The following SREK1IP1 variants were observed in gnomAD, a reference collection of about 807,000 sequenced individuals.
SREK1IP1 encodes the protein SREK1 interacting protein 1, also known as protein SREK1IP1.
SREK1IP1 carries 12 observed loss-of-function variants against 22.8 expected under a neutral mutation model. That is an observed-to-expected ratio of 0.53 (90% confidence interval 0.34 to 0.85). The LOEUF (loss-of-function observed/expected upper bound fraction) is 0.85, where lower values mean the gene tolerates loss of function less well. Among genes scored for constraint, SREK1IP1 ranks in the 40% least tolerant of loss-of-function variants. SREK1IP1 has a pLI of 0.02. For synonymous variants in SREK1IP1, 53 were observed against 52.7 expected (o/e 1.01, Z -0.02); for missense variants, 147 against 171.8 (o/e 0.86, Z 0.81).
At chr5:64,737,539 A>C (rs1476241079) in intron 3 of SREK1IP1, among the ~76,000 whole-genome samples, 3 of 150,100 alleles carry the variant, frequency 2.0e-5, no homozygotes, top group Non-Finnish European at 4.4e-5. Flanking sequence ...GAAGGATCTC[A>C]AAAAAACACA....
rs1742096393 is a variant in SREK1IP1 at position 64,718,583 on chromosome 5, A to G, written c.*5801T>C. The G allele has an allele frequency of 6.6e-6, 1 of 152,232 alleles. No individual in the cohort carries two copies. 9.4% of individuals were successfully genotyped at this position (152,232 alleles called of 1,614,324 possible). On this transcript the variant is annotated 3_prime_UTR_variant, in exon 5 of 5. Coordinates refer to ENST00000513458, the MANE Select transcript of SREK1IP1 (RefSeq NM_173829.4). ...TTTGTTTCAAGAGATAAGCATAACA[A>G]AAAATCCTTTGCTGATATATTTCCT...
At chr5:64,734,648 T>C (rs773487769) in intron 3 of SREK1IP1, among the ~76,000 whole-genome samples, 2 of 152,016 alleles carry the variant, frequency 1.3e-5, no homozygotes, top group Non-Finnish European at 1.5e-5. Flanking sequence ...GTCAGATTTA[T>C]ATTCTTAGTA....
intron 1 of SREK1IP1, among the ~76,000 whole-genome samples, chr5:64,762,091 A>C (rs2112116639): frequency 6.6e-6 from 1 of 152,342 alleles, no homozygotes; most frequent in South Asian, 2.1e-4. Context: ...ATCTTTCCAA[A>C]GGCAACAACT....
rs1742097861 is a variant in SREK1IP1 at position 64,718,685 on chromosome 5, T to G, written c.*5699A>C. ...CTAATGCTATCACATTAATACCACC[T>G]AGAAATCTAGAAATAAAACTAATTT... On this transcript the variant is annotated 3_prime_UTR_variant, in exon 5 of 5. Transcript: ENST00000513458. 6.6e-6 allele frequency: 1 copy of G among 152,194 alleles called. No individual in the cohort carries two copies. Among genetic ancestry groups the G allele is most frequent in the Non-Finnish European group, 1.5e-5 (1 of 68,020 alleles). The allele number at this position is 152,194 out of a possible 1,614,324, so 9.4% of individuals were successfully genotyped here.
In SREK1IP1 at chr5:64,757,700, G is replaced by A. The variant is rs1030226; in HGVS notation, c.14-3338C>T. ...CATGGATTTCTTATTGCCCTTTTAC[G>A]GTCACTTCACAACTCACAAACTGCA... On this transcript the variant is annotated intron_variant, in intron 1 of 4. Transcript: ENST00000513458. 7.9e-5 allele frequency among the ~76,000 whole-genome samples: 12 copies of A among 151,786 alleles called. No individual in the cohort carries two copies. The East Asian group carries it at 2.3e-3, about 29-fold the overall frequency.
intron 1 of SREK1IP1, among the ~76,000 whole-genome samples, chr5:64,766,244 A>C (rs1012107252): frequency 1.3e-5 from 2 of 152,158 alleles, no homozygotes; most frequent in Non-Finnish European, 2.9e-5. Flanking sequence ...GACTAACCTC[A>C]ACACAACAAG....
chr5:64,731,337 C>T (rs746284208), intron 3 of SREK1IP1, among the ~76,000 whole-genome samples: 8 of 151,304 alleles, frequency 5.3e-5, no homozygotes, highest in Non-Finnish European at 8.8e-5. Flanking sequence ...AACATAGTGA[C>T]ATCATGTCTT....
chr5:64,719,764 T>C lies in SREK1IP1; in HGVS notation c.*4620A>G, dbSNP rs1228974076. 6.6e-6 allele frequency: 1 copy of C among 152,238 alleles called. No homozygotes were observed. Among genetic ancestry groups the C allele is most frequent in the East Asian group, 1.9e-4 (1 of 5,202 alleles). The allele number at this position is 152,238 out of a possible 1,614,324, so 9.4% of individuals were successfully genotyped here. A position where few individuals can be genotyped will look rare whatever the true frequency, so the allele number is the denominator to read the frequency against. ...ACTGGATGCATCATGGGTTGTGCTA[T>C]AGAAGAGGCACCCCAATTCTCTGCC... On this transcript the variant is annotated 3_prime_UTR_variant, in exon 5 of 5. Coordinates refer to ENST00000513458, the MANE Select transcript of SREK1IP1 (RefSeq NM_173829.4).
At chr5:64,726,127 T>TC (rs766139328) in intron 4 of SREK1IP1, among the ~76,000 whole-genome samples, 1 of 151,842 alleles carries the variant, frequency 6.6e-6, no homozygotes, top group Non-Finnish European at 1.5e-5. Flanking sequence ...CACCTTAGCC[T>TC]CCCAAAGTGC....
At chr5:64,768,475 G>T (rs572735920) in intron 1 of SREK1IP1, 30 bp downstream of exon 1, 1 of 1,614,078 alleles carries the variant, frequency 6.2e-7, no homozygotes, top group South Asian at 1.1e-5. Context: ...TTCGGAGCTC[G>T]GACGCAGAGG....
intron 3 of SREK1IP1, among the ~76,000 whole-genome samples, chr5:64,734,718 C>T (rs1742430757): frequency 6.6e-6 from 1 of 151,708 alleles, no homozygotes; most frequent in South Asian, 2.1e-4. Context: ...TTGTTCATTG[C>T]CAGTGTACAG....
chr5:64,729,598 T>C (rs1742342243), intron 3 of SREK1IP1, among the ~76,000 whole-genome samples: 2 of 152,186 alleles, frequency 1.3e-5, no homozygotes, highest in Non-Finnish European at 2.9e-5. Flanking sequence ...TGAGACGGAC[T>C]GTGTGATCGG....
chr5:64,750,129 T>A (rs1198690590), intron 2 of SREK1IP1, among the ~76,000 whole-genome samples: 1 of 152,160 alleles, frequency 6.6e-6, no homozygotes, highest in East Asian at 1.9e-4. Flanking sequence ...GTTGGATAGC[T>A]TTTCTGGGTT....
chr5:64,738,620 G>A (rs940840299), intron 3 of SREK1IP1, among the ~76,000 whole-genome samples: 1 of 152,068 alleles, frequency 6.6e-6, no homozygotes, highest in Non-Finnish European at 1.5e-5. Flanking sequence ...GTATTGTACT[G>A]ACATAAAGAC....
At chr5:64,751,606 C>T (rs1034449184) in intron 2 of SREK1IP1, among the ~76,000 whole-genome samples, 1 of 152,162 alleles carries the variant, frequency 6.6e-6, no homozygotes, top group African/African-American at 2.4e-5. Flanking sequence ...CATTGTAGGA[C>T]GTTTATAATC....
intron 3 of SREK1IP1, among the ~76,000 whole-genome samples, chr5:64,738,338 T>C (rs1392224372): frequency 6.6e-6 from 1 of 152,156 alleles, no homozygotes; most frequent in Non-Finnish European, 1.5e-5. Flanking sequence ...AATATTTCAA[T>C]AGATGCAGAA....
At chr5:64,755,907 G>A (rs1004586595) in intron 1 of SREK1IP1, among the ~76,000 whole-genome samples, 2 of 151,444 alleles carry the variant, frequency 1.3e-5, no homozygotes, top group African/African-American at 4.9e-5. Flanking sequence ...TCCATTAGAA[G>A]GAAAAAATAT....
At chr5:64,748,735 C>T (rs74779986) in intron 2 of SREK1IP1, among the ~76,000 whole-genome samples, 9,570 of 152,122 alleles carry the variant, frequency 0.063, 975 homozygotes, top group African/African-American at 0.22. Context: ...TTAGGTACTA[C>T]AATGATCCCA....
Position 64,728,153 on chromosome 5 carries a change from TC to T in SREK1IP1, c.231del (p.Glu79LysfsTer9), listed in dbSNP as rs751210991. The T allele has an allele frequency of 1.0e-5, 15 of 1,448,186 alleles. No individual in the cohort carries two copies. The highest frequency in any genetic ancestry group is 1.3e-5 in the Non-Finnish European group (14 of 1,095,720). 89.7% of individuals were successfully genotyped at this position (1,448,186 alleles called of 1,614,324 possible). ...TTGATTTTTTCTTTGCTTTTTTCTT[TC>T]TTCTTTTCCTCTTCTTCATTTATTC... ...EKRINEEEEK[K>X]KEKSKEKIKL... On this transcript the variant is annotated frameshift_variant, in exon 4 of 5. Coordinates refer to ENST00000513458, the MANE Select transcript of SREK1IP1 (RefSeq NM_173829.4). LOFTEE classifies it high-confidence loss of function.
Sources: allele counts gnomAD v4.1 joint callset (sites outside exome capture counted in the v4.1 genomes callset), GRCh38; gene constraint gnomAD v4.1.1; transcripts MANE v1.5; gene names NCBI Gene and HGNC (gene_info 2026-07-23, HGNC 2026-07-21).